MERTK: variants seen among roughly 807,000 people sequenced by gnomAD.
The protein encoded by MERTK is tyrosine-protein kinase Mer.
In MERTK, 69 loss-of-function variants were observed where a neutral mutation model predicts 99.3. The ratio of observed to expected loss-of-function variants is 0.70; its 90% CI spans 0.57 to 0.85. MERTK has a LOEUF of 0.85. Ranked by LOEUF, MERTK falls within the 40% of genes least tolerant of loss-of-function variation. MERTK has a pLI of 0.00. For synonymous variants in MERTK, 426 were observed against 467.6 expected (o/e 0.91, Z 1.15); for missense variants, 1,125 against 1,249.4 (o/e 0.90, Z 1.50).
chr2:111,945,169 T>A, intron 3 of MERTK, 109 bp downstream of exon 3: 1 of 837,678 alleles, frequency 1.2e-6, no homozygotes, highest in Non-Finnish European at 2.0e-6. Flanking sequence ...TTTATAACTC[T>A]GTATGCAAAC....
rs142783652 is a variant in MERTK, at chr2:111,972,321, T to C, written c.961-2968T>C. On this transcript the variant is annotated intron_variant, in intron 6 of 18. Coordinates refer to ENST00000295408, the MANE Select transcript of MERTK (RefSeq NM_006343.3). ...TTAAAACTGTTACCAAAGTGCTGAG[T>C]TGTTTGAAGAGCCTGAGAGGACATG... Among the ~76,000 whole-genome samples the C allele has an allele frequency of 6.5e-3, 986 of 152,178 alleles. 13 individuals carry two copies. The highest frequency in any genetic ancestry group is 0.023 in the African/African-American group (950 of 41,506).
At chr2:111,906,279 C>T (rs982760584) in intron 1 of MERTK, among the ~76,000 whole-genome samples, 1 of 152,180 alleles carries the variant, frequency 6.6e-6, no homozygotes, top group Non-Finnish European at 1.5e-5. Flanking sequence ...CATTCAGGGA[C>T]AGTAAACATC....
At chr2:112,004,475 A>G (rs1396460489) in intron 13 of MERTK, among the ~76,000 whole-genome samples, 1 of 152,188 alleles carries the variant, frequency 6.6e-6, no homozygotes, top group Non-Finnish European at 1.5e-5. Flanking sequence ...GAGGAGAAAT[A>G]TTTGGTCAAG....
At chr2:111,944,092 A>C (rs1684912960) in intron 2 of MERTK, among the ~76,000 whole-genome samples, 1 of 152,174 alleles carries the variant, frequency 6.6e-6, no homozygotes, top group African/African-American at 2.4e-5. Context: ...TAAGGTCAGA[A>C]GTTCGAGACC....
intron 8 of MERTK, among the ~76,000 whole-genome samples, chr2:111,989,314 C>T (rs13385764): frequency 0.62 from 93,699 of 151,504 alleles, 29,346 homozygotes; most frequent in Middle Eastern, 0.69. Flanking sequence ...GGTTATAGAA[C>T]AGGCCAGAGT....
rs1441124133 is a variant in MERTK at position 111,914,881 on chromosome 2, A to ATCTTC, written c.62-14237_62-14236insTTCTC. ...TTCTGTATTTTTGTCTGGTTTTGGT[A>ATCTTC]TCAGAGCAATACTAGCTTCATAAAA... On this transcript the variant is annotated intron_variant, in intron 1 of 18. Coordinates refer to ENST00000295408, the MANE Select transcript of MERTK (RefSeq NM_006343.3). 1.9e-4 allele frequency among the ~76,000 whole-genome samples: 29 copies of ATCTTC among 152,154 alleles called. 1 individual carries two copies. Among genetic ancestry groups the ATCTTC allele is most frequent in the Non-Finnish European group, 3.7e-4 (25 of 68,038 alleles).
chr2:111,975,571 T>C lies in MERTK; in HGVS notation c.1144+99T>C, dbSNP rs930820588. The C allele has an allele frequency of 3.5e-5, 46 of 1,332,336 alleles. 1 individual carries two copies. In the Admixed American group the frequency reaches 6.3e-4, roughly 18 times the overall value. 82.5% of individuals were successfully genotyped at this position (1,332,336 alleles called of 1,614,324 possible). On this transcript the variant is annotated intron_variant, in intron 7 of 18. Coordinates refer to ENST00000295408, the MANE Select transcript of MERTK (RefSeq NM_006343.3). ...CTGAGAGTTGAAACTTTGCTTTGTT[T>C]GGACTTTGTCTCTGGAGGAGAAAAT...
At chr2:111,955,473 T>C (rs1685130896) in intron 4 of MERTK, among the ~76,000 whole-genome samples, 1 of 152,174 alleles carries the variant, frequency 6.6e-6, no homozygotes, top group African/African-American at 2.4e-5. Context: ...AAGAGGGAGC[T>C]TCTTTTTGGC....
intron 6 of MERTK, 127 bp from the exon 7 acceptor site, chr2:111,975,162 A>C: frequency 1.1e-6 from 1 of 890,976 alleles, no homozygotes. Context: ...GTGTGTGCCC[A>C]GAAAGGAAGC....
Position 112,029,176 on chromosome 2 carries a change from A to G in MERTK, c.*312A>G, listed in dbSNP as rs1677530584. The G allele has an allele frequency of 9.7e-7, 1 of 1,027,320 alleles. No homozygotes were observed. Among genetic ancestry groups the G allele is most frequent in the Admixed American group, 5.0e-5 (1 of 19,990 alleles). The allele number at this position is 1,027,320 out of a possible 1,614,324, so 63.6% of individuals were successfully genotyped here. The stretch of plus-strand genomic sequence containing the variant: ...CTCCTTGATATTAACATTTGTACAG[A>G]GTTGAAGTTGTTTTTTCAAGTTCTT... On this transcript the variant is annotated 3_prime_UTR_variant, in exon 19 of 19. Coordinates refer to ENST00000295408, the MANE Select transcript of MERTK (RefSeq NM_006343.3).
At chr2:111,905,792 GC>G (rs1160214768) in intron 1 of MERTK, among the ~76,000 whole-genome samples, 1 of 152,056 alleles carries the variant, frequency 6.6e-6, no homozygotes, top group Non-Finnish European at 1.5e-5. Context: ...CAATTCTAAA[GC>G]ATTTTATTTC....
chr2:111,909,008 A>G (rs1684192164), intron 1 of MERTK, among the ~76,000 whole-genome samples: 1 of 152,276 alleles, frequency 6.6e-6, no homozygotes, highest in South Asian at 2.1e-4. Flanking sequence ...GCTAACAGAT[A>G]AATATATGAA....
At chr2:112,002,129 T>G (rs2104405947) in intron 11 of MERTK, among the ~76,000 whole-genome samples, 1 of 152,236 alleles carries the variant, frequency 6.6e-6, no homozygotes, top group East Asian at 1.9e-4. Flanking sequence ...CCAGACTGAA[T>G]CATTTGCCAA....
chr2:111,924,954 G>T (rs1352166523), intron 1 of MERTK, among the ~76,000 whole-genome samples: 2 of 152,052 alleles, frequency 1.3e-5, no homozygotes, highest in East Asian at 3.9e-4. Context: ...CAGTCCGGCA[G>T]TGGAGAAAGA....
chr2:111,972,507 GCT>G (rs975625533), intron 6 of MERTK, among the ~76,000 whole-genome samples: 3 of 152,154 alleles, frequency 2.0e-5, no homozygotes, highest in Admixed American at 6.5e-5. Context: ...AGATTTACCT[GCT>G]CTCTTTCTGC....
chr2:111,999,081 T>C (rs975729308), intron 10 of MERTK, among the ~76,000 whole-genome samples: 14 of 152,302 alleles, frequency 9.2e-5, no homozygotes, highest in African/African-American at 3.4e-4. Context: ...TAGATGGTGT[T>C]GGTTGCTATT....
At chr2:111,915,681 A>C (rs1684338437) in intron 1 of MERTK, among the ~76,000 whole-genome samples, 1 of 152,122 alleles carries the variant, frequency 6.6e-6, no homozygotes, top group South Asian at 2.1e-4. Flanking sequence ...GGATCACCTG[A>C]GGTCAGGAGT....
At chr2:112,003,475 TAA>T (rs1253490959) in intron 12 of MERTK, 4 of 341,928 alleles carry the variant, frequency 1.2e-5, no homozygotes, top group African/African-American at 8.4e-5. Flanking sequence ...CTATGTACTT[TAA>T]GTTTATTCCT....
At chr2:111,940,647 A>T (rs902518023) in intron 2 of MERTK, 4 of 690,494 alleles carry the variant, frequency 5.8e-6, no homozygotes, top group African/African-American at 5.2e-5. Context: ...CACCAGGCTT[A>T]AAATCAGGAT....
Sources: allele counts gnomAD v4.1 joint callset (sites outside exome capture counted in the v4.1 genomes callset), GRCh38; gene constraint gnomAD v4.1.1; transcripts MANE v1.5; gene names NCBI Gene and HGNC (gene_info 2026-07-23, HGNC 2026-07-21).